The following MDGA2 variants were observed in gnomAD, a reference collection of about 807,000 sequenced individuals.
The protein encoded by MDGA2 is MAM domain containing glycosylphosphatidylinositol anchor 2.
In MDGA2, 40 loss-of-function variants were observed where a neutral mutation model predicts 117.8. The observed-to-expected ratio is 0.34, with a 90% CI of 0.26 to 0.44. The LOEUF (loss-of-function observed/expected upper bound fraction) is 0.44. Among genes scored for constraint, MDGA2 ranks in the 20% least tolerant of loss-of-function variants. The pLI, the probability that MDGA2 is intolerant of heterozygous loss-of-function variation, is 1.00. For synonymous variants in MDGA2, 452 were observed against 439.0 expected, an observed-to-expected ratio of 1.03 and a Z score of -0.37; for missense variants, 1,123 against 1,250.6, an observed-to-expected ratio of 0.90 and a Z score of 1.54.
At chr14:46,913,330 T>C (rs1180648508) in intron 10 of MDGA2, among the ~76,000 whole-genome samples, 2 of 152,160 alleles carry the variant, frequency 1.3e-5, no homozygotes, top group Non-Finnish European at 2.9e-5. Flanking sequence ...TTATTCATGA[T>C]TTAAGATTAT....
At chr14:47,070,118 A>G (rs1322961098) in intron 6 of MDGA2, among the ~76,000 whole-genome samples, 1 of 152,144 alleles carries the variant, frequency 6.6e-6, no homozygotes. Context: ...AATAATCATA[A>G]TTGACTATAG....
At chr14:47,660,200 C>T (rs537855562) in intron 1 of MDGA2, among the ~76,000 whole-genome samples, 1 of 152,144 alleles carries the variant, frequency 6.6e-6, no homozygotes, top group African/African-American at 2.4e-5. Flanking sequence ...TCTAAAGACT[C>T]AATTGCCTCT....
intron 2 of MDGA2, among the ~76,000 whole-genome samples, chr14:47,235,588 G>A (rs1182135928): frequency 2.0e-5 from 3 of 152,120 alleles, no homozygotes; most frequent in Admixed American, 6.5e-5. Flanking sequence ...TCTTTGAGAG[G>A]TGCAAGCTCA....
intron 1 of MDGA2, among the ~76,000 whole-genome samples, chr14:47,442,580 T>C (rs980828749): frequency 6.6e-6 from 1 of 152,054 alleles, no homozygotes; most frequent in African/African-American, 2.4e-5. Flanking sequence ...ACCTTATAGG[T>C]ATTATTATAC....
intron 8 of MDGA2, among the ~76,000 whole-genome samples, chr14:46,982,088 G>C (rs1886693114): frequency 6.6e-6 from 1 of 152,122 alleles, no homozygotes. Context: ...TACTCTTTCA[G>C]ACATAGTATT....
chr14:46,981,531 G>A (rs1354915833), intron 8 of MDGA2, among the ~76,000 whole-genome samples: 1 of 152,132 alleles, frequency 6.6e-6, no homozygotes, highest in African/African-American at 2.4e-5. Context: ...AGGGCTTATG[G>A]CTAAGTTAAA....
chr14:47,474,201 G>A (rs187628316), intron 1 of MDGA2, among the ~76,000 whole-genome samples: 1 of 152,186 alleles, frequency 6.6e-6, no homozygotes, highest in East Asian at 1.9e-4. Context: ...GGCAAGATGA[G>A]AGCCAAATCA....
intron 1 of MDGA2, among the ~76,000 whole-genome samples, chr14:47,352,944 A>G (rs1210273182): frequency 6.6e-6 from 1 of 152,330 alleles, no homozygotes; most frequent in East Asian, 1.9e-4. Flanking sequence ...AGAATAATTC[A>G]CTGCAAAAGA....
intron 3 of MDGA2, among the ~76,000 whole-genome samples, chr14:47,169,963 C>T (rs1884051602): frequency 6.6e-6 from 1 of 152,162 alleles, no homozygotes; most frequent in South Asian, 2.1e-4. Context: ...ACATTCACAA[C>T]ATTCCAGTCA....
chr14:47,520,522 G>A (rs12433812), intron 1 of MDGA2, among the ~76,000 whole-genome samples: 35,709 of 152,084 alleles, frequency 0.23, 5,009 homozygotes, highest in South Asian at 0.47. Flanking sequence ...ACATTAAAGT[G>A]TAAGTACTTT....
intron 8 of MDGA2, among the ~76,000 whole-genome samples, chr14:47,027,470 A>G (rs11628121): frequency 2.4e-3 from 366 of 152,140 alleles, no homozygotes; most frequent in Non-Finnish European, 3.5e-3. Context: ...TTATCTAAAC[A>G]TTAAATTATG....
At chr14:47,309,254 T>C (rs1318661599) in intron 1 of MDGA2, among the ~76,000 whole-genome samples, 1 of 152,188 alleles carries the variant, frequency 6.6e-6, no homozygotes, top group African/African-American at 2.4e-5. Context: ...CCATTGGTTA[T>C]TTTAAACTAA....
At position 47,502,928 on chromosome 14, in the gene MDGA2, T is replaced by A. The variant is rs572568796; in HGVS notation, c.280+171589A>T. Among the ~76,000 whole-genome samples the A allele has an allele frequency of 3.9e-5, 6 of 152,220 alleles. 1 individual carries two copies. In the South Asian group the frequency reaches 1.2e-3, roughly 32 times the overall value. Reference sequence around the variant, plus strand: ...AACTCCTGACTTTAAGTGATCCTCCTCCTGCCTCCCAAAGTGCTGGAATTA... The same window carrying A: ...AACTCCTGACTTTAAGTGATCCTCCACCTGCCTCCCAAAGTGCTGGAATTA... On this transcript the variant is annotated intron_variant, in intron 1 of 16. Coordinates refer to ENST00000399232, the MANE Select transcript of MDGA2 (RefSeq NM_001113498.3).
chr14:47,016,447 T>C (rs1888086431), intron 8 of MDGA2, among the ~76,000 whole-genome samples: 1 of 152,068 alleles, frequency 6.6e-6, no homozygotes, highest in Non-Finnish European at 1.5e-5. Context: ...CATTCACAAT[T>C]TGTTCTTTAT....
At chr14:47,467,599 C>A (rs1410450275) in intron 1 of MDGA2, among the ~76,000 whole-genome samples, 2 of 152,068 alleles carry the variant, frequency 1.3e-5, no homozygotes, top group African/African-American at 2.4e-5. Context: ...CATTGAAAGT[C>A]TCTGAGAGCC....
intron 1 of MDGA2, among the ~76,000 whole-genome samples, chr14:47,368,721 G>A (rs1891282699): frequency 1.3e-5 from 2 of 152,044 alleles, no homozygotes; most frequent in African/African-American, 4.8e-5. Flanking sequence ...CAGGTTTTAC[G>A]TTGTCATTAG....
chr14:46,924,604 C>T (rs1484278954), intron 9 of MDGA2, among the ~76,000 whole-genome samples: 1 of 151,778 alleles, frequency 6.6e-6, no homozygotes, highest in African/African-American at 2.4e-5. Context: ...ATAGCTAATA[C>T]ATATTGCTTT....
chr14:47,170,559 T>C (rs1234879131), intron 3 of MDGA2, among the ~76,000 whole-genome samples: 1 of 152,168 alleles, frequency 6.6e-6, no homozygotes, highest in Non-Finnish European at 1.5e-5. Context: ...AGGATTAGTC[T>C]ATTGAACCTC....
At chr14:47,283,524 GA>G in intron 2 of MDGA2, among the ~76,000 whole-genome samples, 1 of 152,266 alleles carries the variant, frequency 6.6e-6, no homozygotes, top group Non-Finnish European at 1.5e-5. Flanking sequence ...AACATTACAT[GA>G]ATACCATTTT....
Sources: allele counts gnomAD v4.1 joint callset (sites outside exome capture counted in the v4.1 genomes callset), GRCh38; gene constraint gnomAD v4.1.1; transcripts MANE v1.5; gene names NCBI Gene and HGNC (gene_info 2026-07-23, HGNC 2026-07-21).